Variants in EFHD1 observed in about 807,000 individuals in gnomAD.
EFHD1 encodes EF-hand domain family member D1.
A neutral mutation model predicts 17.2 loss-of-function variants in EFHD1; 10 were observed. That is an observed-to-expected ratio of 0.58 (90% confidence interval 0.36 to 0.99). The LOEUF (loss-of-function observed/expected upper bound fraction) is 0.99, where lower values mean the gene tolerates loss of function less well. EFHD1 is among the 50% of genes least tolerant of loss of function. EFHD1 has a pLI of 0.01. For missense variants in EFHD1, 310 were observed against 327.5 expected (o/e 0.95, Z 0.41); for synonymous variants, 153 against 142.0 (o/e 1.08, Z -0.55).
At chr2:232,637,870 C>T (rs1694346691) in intron 1 of EFHD1, among the ~76,000 whole-genome samples, 1 of 152,092 alleles carries the variant, frequency 6.6e-6, no homozygotes, top group African/African-American at 2.4e-5. Flanking sequence ...ATTTTCAAGG[C>T]TTAAAAAAAC....
chr2:232,661,155 AAAC>A (rs1694860828), intron 1 of EFHD1, among the ~76,000 whole-genome samples: 1 of 61,540 alleles, frequency 1.6e-5, no homozygotes, highest in Admixed American at 2.0e-4. Flanking sequence ...CTCAAAAAAA[AAAC>A]AAAAACAAAA....
intron 1 of EFHD1, among the ~76,000 whole-genome samples, chr2:232,613,856 A>G (rs142918334): frequency 4.6e-4 from 70 of 151,054 alleles, no homozygotes; most frequent in African/African-American, 1.7e-3. Context: ...ACAAATATAT[A>G]CACACATAGA....
At chr2:232,672,004 C>A (rs964129126) in intron 2 of EFHD1, among the ~76,000 whole-genome samples, 27 of 150,922 alleles carry the variant, frequency 1.8e-4, no homozygotes, top group Non-Finnish European at 5.9e-5. Flanking sequence ...TGCAGTGAGC[C>A]GAGATCATGC....
chr2:232,651,024 G>A (rs1305606648), intron 1 of EFHD1, among the ~76,000 whole-genome samples: 1 of 152,232 alleles, frequency 6.6e-6, no homozygotes, highest in Admixed American at 6.5e-5. Flanking sequence ...GCTGTAGGGA[G>A]AAAAAGGAAA....
intron 1 of EFHD1, among the ~76,000 whole-genome samples, chr2:232,654,459 C>CACCCAGGG (rs1414309549): frequency 1.7e-5 from 2 of 119,902 alleles, no homozygotes; most frequent in Non-Finnish European, 1.6e-5. Flanking sequence ...CTCACTCTGT[C>CACCCAGGG]ACCCAGGGTG....
At chr2:232,644,831 G>A (rs1397628262) in intron 1 of EFHD1, among the ~76,000 whole-genome samples, 5 of 145,886 alleles carry the variant, frequency 3.4e-5, no homozygotes, top group South Asian at 2.2e-4. Context: ...TAGTGGAGAC[G>A]GGGTTTCTCC....
intron 1 of EFHD1, among the ~76,000 whole-genome samples, chr2:232,644,543 C>T (rs1694491620): frequency 6.6e-6 from 1 of 151,136 alleles, no homozygotes; most frequent in African/African-American, 2.4e-5. Context: ...GACAGAGTCT[C>T]ACTCTGTCGC....
chr2:232,682,772 TTCTA>T (rs1695315351), exon 4 of EFHD1: 1 of 152,246 alleles, frequency 6.6e-6, no homozygotes, highest in African/African-American at 2.4e-5. Flanking sequence ...TCATCTGCCT[TTCTA>T]TCTTACAGCT....
rs368566988 is a variant in EFHD1, at chr2:232,624,687, G to C, written c.14+18514G>C. The stretch of plus-strand genomic sequence containing the variant: ...AAGGGTTTCCCAAATGTAAACAAAG[G>C]CTTGAAACTTGCCCTTGAGGAGACA... On this transcript the variant is annotated intron_variant, in intron 1 of 3. Coordinates refer to the EFHD1 transcript ENST00000409613. Among the ~76,000 whole-genome samples, 95 of 152,364 alleles carry C rather than the reference G, an allele frequency of 6.2e-4. 1 individual carries two copies. The South Asian group carries it at 0.013, about 21-fold the overall frequency.
At chr2:232,615,098 T>G (rs1273981768) in intron 1 of EFHD1, among the ~76,000 whole-genome samples, 2 of 152,110 alleles carry the variant, frequency 1.3e-5, no homozygotes, top group African/African-American at 2.4e-5. Context: ...CAAGCAATCC[T>G]CCCACCTTAG....
intron 1 of EFHD1, among the ~76,000 whole-genome samples, chr2:232,654,121 C>T (rs1345517514): frequency 6.6e-6 from 1 of 151,128 alleles, no homozygotes; most frequent in Non-Finnish European, 1.5e-5. Flanking sequence ...GCATGAGAAT[C>T]ACTTGAACCC....
At chr2:232,631,182 G>A (rs1194599105), upstream of EFHD1, among the ~76,000 whole-genome samples, 4 of 151,782 alleles carry the variant, frequency 2.6e-5, no homozygotes, top group African/African-American at 9.7e-5. Context: ...AGCCGAGATC[G>A]CACCACTGCA....
At chr2:232,633,431 A>C, upstream of EFHD1, 39 of 1,148,736 alleles carry the variant, frequency 3.4e-5, no homozygotes, top group East Asian at 1.3e-4. Context: ...GGGGAGAGGA[A>C]GCAGGTCGGG....
chr2:232,676,999 C>G (rs1406641653), intron 3 of EFHD1, among the ~76,000 whole-genome samples: 1 of 149,840 alleles, frequency 6.7e-6, no homozygotes, highest in Non-Finnish European at 1.5e-5. Context: ...GACCCTGCCT[C>G]TAAAACAAAA....
chr2:232,659,706 C>T (rs1559351856), intron 1 of EFHD1, among the ~76,000 whole-genome samples: 1 of 152,030 alleles, frequency 6.6e-6, no homozygotes, highest in African/African-American at 2.4e-5. Context: ...GTGGATGAGT[C>T]AGTTCTCAAA....
chr2:232,634,147 G>C, intron 1 of EFHD1, 141 bp downstream of exon 1: 1 of 1,437,354 alleles, frequency 7.0e-7, no homozygotes, highest in South Asian at 1.4e-5. Flanking sequence ...GCCAGATCTT[G>C]CGTGCTCGGG....
At chr2:232,657,430 A>T (rs1435260161) in intron 1 of EFHD1, among the ~76,000 whole-genome samples, 1 of 152,168 alleles carries the variant, frequency 6.6e-6, no homozygotes, top group Non-Finnish European at 1.5e-5. Flanking sequence ...TGCTGAATGA[A>T]ATTCCATTGT....
At chr2:232,637,440 T>G (rs1694339386) in intron 1 of EFHD1, among the ~76,000 whole-genome samples, 1 of 149,656 alleles carries the variant, frequency 6.7e-6, no homozygotes, top group Non-Finnish European at 1.5e-5. Context: ...ACCTCTTGGG[T>G]TCATGCCATT....
chr2:232,662,485 C>T (rs1559352960), intron 1 of EFHD1, among the ~76,000 whole-genome samples: 1 of 151,916 alleles, frequency 6.6e-6, no homozygotes, highest in Non-Finnish European at 1.5e-5. Flanking sequence ...AGGAGGTGCT[C>T]GCTTGATGTT....
Sources: gnomAD v4.1 joint callset for allele counts (sites outside exome capture counted in the v4.1 genomes callset) on GRCh38, gnomAD v4.1.1 for gene constraint, MANE v1.5 for transcripts, NCBI Gene and HGNC (gene_info 2026-07-23, HGNC 2026-07-21) for gene names.